The following CNTN4 variants were observed in gnomAD, a reference collection of about 807,000 sequenced individuals.
CNTN4 encodes the protein contactin-4.
In CNTN4, 77 loss-of-function variants were observed where a neutral mutation model predicts 122.5. The observed-to-expected ratio is 0.63, with a 90% CI of 0.52 to 0.76. The LOEUF (loss-of-function observed/expected upper bound fraction) is 0.76, where lower values mean the gene tolerates loss of function less well. Ranked by LOEUF, CNTN4 falls within the 30% of genes least tolerant of loss-of-function variation. The probability of loss-of-function intolerance (pLI) is 0.00; values close to 1 mark genes in which losing one functional copy is unlikely to be tolerated. For synonymous variants in CNTN4, 512 were observed against 447.0 expected (o/e 1.15, Z -1.83); for missense variants, 1,256 against 1,259.1 (o/e 1.00, Z 0.04).
chr3:2,985,940 G>T (rs1240180987), intron 13 of CNTN4, among the ~76,000 whole-genome samples: 2 of 146,664 alleles, frequency 1.4e-5, no homozygotes, highest in Non-Finnish European at 3.0e-5. Context: ...TTCGAGACAG[G>T]GTCTCGCTCT....
chr3:2,510,574 C>T (rs1044984653), intron 3 of CNTN4, among the ~76,000 whole-genome samples: 4 of 152,068 alleles, frequency 2.6e-5, no homozygotes, highest in African/African-American at 9.7e-5. Flanking sequence ...CTGAGTCTCC[C>T]TTTTTCTAAA....
chr3:2,163,132 A>C (rs569205648), intron 2 of CNTN4, among the ~76,000 whole-genome samples: 1 of 152,218 alleles, frequency 6.6e-6, no homozygotes, highest in Non-Finnish European at 1.5e-5. Context: ...CCAAATCAGC[A>C]TGGTACTGGT....
intron 3 of CNTN4, among the ~76,000 whole-genome samples, chr3:2,344,344 C>T (rs111376278): frequency 1.3e-4 from 19 of 150,448 alleles, no homozygotes; most frequent in Non-Finnish European, 1.8e-4. Context: ...GGTGTGATCT[C>T]GGCTCACTGC....
At chr3:2,507,553 G>T (rs1430467032) in intron 3 of CNTN4, among the ~76,000 whole-genome samples, 1 of 151,744 alleles carries the variant, frequency 6.6e-6, no homozygotes, top group Non-Finnish European at 1.5e-5. Flanking sequence ...GGCCAACATA[G>T]TGAAACCCCG....
At position 2,225,478 on chromosome 3, in the gene CNTN4, A is replaced by C. The variant is rs534708710; in HGVS notation, c.-144-113700A>C. The stretch of plus-strand genomic sequence containing the variant: ...CAGTGAGCCGAGATCGTGCTGCTGC[A>C]CTCCGGCCTGGACAACAGAGCTGAG... On this transcript the variant is annotated intron_variant, in intron 2 of 24. Coordinates refer to ENST00000418658, the MANE Select transcript of CNTN4 (RefSeq NM_175607.3). Among the ~76,000 whole-genome samples the C allele has an allele frequency of 2.0e-5, 3 of 152,192 alleles. No individual in the cohort carries two copies. The East Asian group carries it at 5.8e-4, about 29-fold the overall frequency.
chr3:2,483,864 A>T (rs1031785824), intron 3 of CNTN4, among the ~76,000 whole-genome samples: 2 of 152,212 alleles, frequency 1.3e-5, no homozygotes, highest in African/African-American at 4.8e-5. Context: ...GCGTGAGAAC[A>T]GACTAATACT....
rs570207873 is a variant in CNTN4, at chr3:2,235,521, CTT to C, written c.-144-103656_-144-103655del. The stretch of plus-strand genomic sequence containing the variant: ...AATTGTTTTTATAAATTTTTGAACT[CTT>C]CTCTCTGCTTAAAATAAAATTTCTC... On this transcript the variant is annotated intron_variant, in intron 2 of 24. Transcript: ENST00000418658. Among the ~76,000 whole-genome samples, 57 of 152,108 alleles carry C rather than the reference CTT, an allele frequency of 3.7e-4. No individual in the cohort carries two copies. In the East Asian group the frequency reaches 6.2e-3, roughly 17 times the overall value.
chr3:2,924,903 C>T (rs959797891), intron 12 of CNTN4, among the ~76,000 whole-genome samples: 4 of 151,982 alleles, frequency 2.6e-5, no homozygotes, highest in Admixed American at 2.0e-4. Flanking sequence ...GCAGAGGTGG[C>T]GACCATATCA....
chr3:2,335,160 CTATT>C (rs1459790099), intron 2 of CNTN4, among the ~76,000 whole-genome samples: 1 of 152,108 alleles, frequency 6.6e-6, no homozygotes, highest in Non-Finnish European at 1.5e-5. Flanking sequence ...GGAGAGTCGT[CTATT>C]TATTCACCTG....
chr3:2,798,769 A>C (rs2675324), intron 6 of CNTN4, among the ~76,000 whole-genome samples: 94,174 of 151,920 alleles, frequency 0.62, 29,333 homozygotes, highest in South Asian at 0.75. Context: ...CCTCAACCTC[A>C]CAAACTGCTG....
intron 13 of CNTN4, among the ~76,000 whole-genome samples, chr3:2,941,665 C>G (rs75345116): frequency 3.3e-5 from 5 of 152,240 alleles, no homozygotes; most frequent in African/African-American, 1.2e-4. Context: ...GTTGCAGTAG[C>G]CCCGACGCGT....
intron 7 of CNTN4, among the ~76,000 whole-genome samples, chr3:2,823,994 G>C (rs2092931822): frequency 6.6e-6 from 1 of 152,144 alleles, no homozygotes; most frequent in African/African-American, 2.4e-5. Context: ...TGAAGTGTGA[G>C]ATGCCCTGAG....
intron 2 of CNTN4, among the ~76,000 whole-genome samples, chr3:2,300,905 G>T (rs1275066212): frequency 6.6e-6 from 1 of 152,002 alleles, no homozygotes; most frequent in African/African-American, 2.4e-5. Flanking sequence ...TTTAATCAGA[G>T]AAACCTGGAA....
At chr3:2,833,812 G>GT (rs2093155743) in intron 7 of CNTN4, among the ~76,000 whole-genome samples, 1 of 152,114 alleles carries the variant, frequency 6.6e-6, no homozygotes, top group African/African-American at 2.4e-5. Flanking sequence ...CATATATTCT[G>GT]TTATGTTTGT....
chr3:2,870,213 A>G (rs950754451), intron 8 of CNTN4, among the ~76,000 whole-genome samples: 4 of 152,142 alleles, frequency 2.6e-5, no homozygotes, highest in African/African-American at 9.7e-5. Context: ...TGGCTTTTAG[A>G]TTTATCTTGA....
At chr3:3,043,407 C>T (rs1001663545) in intron 22 of CNTN4, among the ~76,000 whole-genome samples, 185 bp from the exon 23 acceptor site, 1 of 152,108 alleles carries the variant, frequency 6.6e-6, no homozygotes, top group East Asian at 1.9e-4. Context: ...AAATGTTAGG[C>T]GACCAACTGA....
At chr3:2,848,621 A>G (rs2093495781) in intron 7 of CNTN4, among the ~76,000 whole-genome samples, 1 of 152,262 alleles carries the variant, frequency 6.6e-6, no homozygotes, top group Non-Finnish European at 1.5e-5. Flanking sequence ...AACTACAACT[A>G]GATTTTAGTT....
intron 14 of CNTN4, chr3:3,008,871 T>G: frequency 1.2e-6 from 1 of 829,634 alleles, no homozygotes; most frequent in African/African-American, 1.8e-5. Context: ...GCATTCGGGT[T>G]TCCCATTGTC....
intron 3 of CNTN4, among the ~76,000 whole-genome samples, chr3:2,568,265 G>T (rs144857485): frequency 7.6e-6 from 1 of 130,774 alleles, no homozygotes; most frequent in Non-Finnish European, 1.6e-5. Flanking sequence ...GTCACTGTTA[G>T]TATGAGAATT....
Sources: gnomAD v4.1 joint callset for allele counts (sites outside exome capture counted in the v4.1 genomes callset) on GRCh38, gnomAD v4.1.1 for gene constraint, MANE v1.5 for transcripts, NCBI Gene and HGNC (gene_info 2026-07-23, HGNC 2026-07-21) for gene names.